ITFG1: variants seen among roughly 807,000 people sequenced by gnomAD.
ITFG1 encodes T-cell immunomodulatory protein.
A neutral mutation model predicts 81.8 loss-of-function variants in ITFG1; 34 were observed. The observed-to-expected ratio is 0.42, with a 90% CI of 0.32 to 0.55. The LOEUF is 0.55. ITFG1 is among the 20% of genes least tolerant of loss of function. The probability of loss-of-function intolerance (pLI) is 0.17; values close to 1 mark genes in which losing one functional copy is unlikely to be tolerated. For synonymous variants in ITFG1, 285 were observed against 270.6 expected, an observed-to-expected ratio of 1.05 and a Z score of -0.52; for missense variants, 672 against 755.4, an observed-to-expected ratio of 0.89 and a Z score of 1.29.
In ITFG1 at chr16:47,345,542, G is replaced by A. The variant is rs181146197; in HGVS notation, c.802+20246C>T. Among the ~76,000 whole-genome samples, 267 of 152,056 alleles carry A rather than the reference G, an allele frequency of 1.8e-3. 2 individuals are homozygous for A. The highest frequency in any genetic ancestry group is 5.8e-3 in the African/African-American group (240 of 41,470). Reference sequence around the variant, plus strand: ...TTGAACTCCTGACCTCAAGAGATCCGCCCACCTTGGCCTCCAAAAGTGCTG... The same window carrying A: ...TTGAACTCCTGACCTCAAGAGATCCACCCACCTTGGCCTCCAAAAGTGCTG... On this transcript the variant is annotated intron_variant, in intron 8 of 17. Coordinates refer to ENST00000320640, the MANE Select transcript of ITFG1 (RefSeq NM_030790.5).
At chr16:47,458,405 G>A (rs565285693) in intron 2 of ITFG1, among the ~76,000 whole-genome samples, 9 of 152,154 alleles carry the variant, frequency 5.9e-5, no homozygotes, top group Admixed American at 4.6e-4. Context: ...TTTATACTAA[G>A]GTCAAGCTCA....
chr16:47,390,022 A>G (rs1345389820), intron 6 of ITFG1, among the ~76,000 whole-genome samples: 1 of 152,236 alleles, frequency 6.6e-6, no homozygotes, highest in African/African-American at 2.4e-5. Context: ...TCGAATGCAA[A>G]GATTTTAGTT....
At chr16:47,396,984 T>C (rs920326407) in intron 6 of ITFG1, among the ~76,000 whole-genome samples, 1 of 152,122 alleles carries the variant, frequency 6.6e-6, no homozygotes, top group Non-Finnish European at 1.5e-5. Context: ...GTCCAGAAGA[T>C]GTTATGTCTC....
intron 8 of ITFG1, among the ~76,000 whole-genome samples, chr16:47,355,584 A>G (rs1968028762): frequency 6.6e-6 from 1 of 152,216 alleles, no homozygotes; most frequent in Non-Finnish European, 1.5e-5. Context: ...TTTGCTAATT[A>G]CTGATTTGAA....
At chr16:47,401,561 G>A (rs1346231552) in intron 6 of ITFG1, among the ~76,000 whole-genome samples, 1 of 152,220 alleles carries the variant, frequency 6.6e-6, no homozygotes, top group African/African-American at 2.4e-5. Flanking sequence ...TTAATTAAGA[G>A]CCAGAAGGGC....
intron 14 of ITFG1, chr16:47,196,289 T>C (rs762819163): frequency 6.6e-6 from 1 of 151,902 alleles, no homozygotes; most frequent in Non-Finnish European, 1.5e-5. Flanking sequence ...TTTTAGAAGA[T>C]TCTTGGCTAT....
At position 47,325,712 on chromosome 16, in the gene ITFG1, T is replaced by C. The variant is rs574275593; in HGVS notation, c.803-11889A>G. The stretch of plus-strand genomic sequence containing the variant: ...TATAAACACCTCTACGCAAATAAAC[T>C]AGAAAATTTAGAAGAAATGGATAAA... On this transcript the variant is annotated intron_variant, in intron 8 of 17. Transcript: ENST00000320640. Among the ~76,000 whole-genome samples the C allele has an allele frequency of 4.7e-4, 71 of 152,142 alleles. 1 individual carries two copies. Among genetic ancestry groups the C allele is most frequent in the African/African-American group, 1.2e-3 (49 of 41,498 alleles).
At chr16:47,215,842 T>C (rs1965618729) in intron 14 of ITFG1, among the ~76,000 whole-genome samples, 1 of 152,220 alleles carries the variant, frequency 6.6e-6, no homozygotes, top group Non-Finnish European at 1.5e-5. Context: ...TGTGAGGGCT[T>C]TTTATTTTTG....
At chr16:47,277,546 G>C (rs775456467) in intron 10 of ITFG1, among the ~76,000 whole-genome samples, 2 of 152,156 alleles carry the variant, frequency 1.3e-5, no homozygotes, top group East Asian at 1.9e-4. Flanking sequence ...AGTTCAAACT[G>C]GTACTTTTCA....
intron 14 of ITFG1, among the ~76,000 whole-genome samples, chr16:47,216,249 G>A (rs1378343240): frequency 6.6e-6 from 1 of 151,846 alleles, no homozygotes; most frequent in Non-Finnish European, 1.5e-5. Flanking sequence ...CACCTAGCTG[G>A]AGTGCAATGC....
chr16:47,241,286 A>G (rs1250860263), intron 12 of ITFG1, among the ~76,000 whole-genome samples: 1 of 152,186 alleles, frequency 6.6e-6, no homozygotes, highest in Non-Finnish European at 1.5e-5. Flanking sequence ...CCAGTAATTC[A>G]TTTCCAGCTA....
chr16:47,241,521 T>C (rs1249572510), intron 12 of ITFG1, among the ~76,000 whole-genome samples: 1 of 152,184 alleles, frequency 6.6e-6, no homozygotes, highest in Non-Finnish European at 1.5e-5. Flanking sequence ...TTGAAAACAT[T>C]ATGCTAAGTG....
intron 9 of ITFG1, 54 bp from the exon 10 acceptor site, chr16:47,311,466 A>T (rs1967260942): frequency 7.3e-7 from 1 of 1,374,672 alleles, no homozygotes; most frequent in East Asian, 2.6e-5. Context: ...AAAAAAATTT[A>T]TAATTTGCAA....
intron 8 of ITFG1, among the ~76,000 whole-genome samples, chr16:47,327,546 A>G (rs1324676379): frequency 2.9e-4 from 44 of 152,174 alleles, no homozygotes; most frequent in Non-Finnish European, 3.4e-4. Flanking sequence ...GCAACCTACA[A>G]AATGGGAGAA....
At chr16:47,265,527 T>C (rs1966266385) in intron 10 of ITFG1, among the ~76,000 whole-genome samples, 1 of 152,140 alleles carries the variant, frequency 6.6e-6, no homozygotes, top group South Asian at 2.1e-4. Context: ...AGGAGAAATA[T>C]AAATATACTA....
rs574373729 is a variant in ITFG1 at position 47,449,198 on chromosome 16, G to A, written c.560+2198C>T. On this transcript the variant is annotated intron_variant, in intron 5 of 17. Transcript: ENST00000320640. The stretch of plus-strand genomic sequence containing the variant: ...CATTGCATGCTTCCCAAACCAAAGC[G>A]CTGGTCAAATTCAATTAAAGATAAT... 2.3e-4 allele frequency: 35 copies of A among 152,246 alleles called. No individual in the cohort carries two copies. The South Asian group carries it at 4.8e-3, about 21-fold the overall frequency. 9.4% of individuals were successfully genotyped at this position (152,246 alleles called of 1,614,324 possible).
chr16:47,342,817 T>C (rs1230356194), intron 8 of ITFG1, among the ~76,000 whole-genome samples: 1 of 152,096 alleles, frequency 6.6e-6, no homozygotes, highest in East Asian at 1.9e-4. Context: ...GAAATGCTTG[T>C]AAACTATATA....
chr16:47,349,382 A>G (rs1026710359), intron 8 of ITFG1, among the ~76,000 whole-genome samples: 4 of 152,184 alleles, frequency 2.6e-5, no homozygotes, highest in Non-Finnish European at 5.9e-5. Context: ...AAGCAAATGG[A>G]AAACAAAAAA....
chr16:47,326,198 T>C (rs954164659), intron 8 of ITFG1, among the ~76,000 whole-genome samples: 1 of 152,094 alleles, frequency 6.6e-6, no homozygotes, highest in Non-Finnish European at 1.5e-5. Flanking sequence ...TAATACAGCA[T>C]ATAAACAGAA....
Sources: gnomAD v4.1 joint callset for allele counts (sites outside exome capture counted in the v4.1 genomes callset) on GRCh38, gnomAD v4.1.1 for gene constraint, MANE v1.5 for transcripts, NCBI Gene and HGNC (gene_info 2026-07-23, HGNC 2026-07-21) for gene names.